PHACTR3: variants seen among roughly 807,000 people sequenced by gnomAD.
The protein encoded by PHACTR3 is protein phosphatase 1, regulatory subunit 123.
Under a neutral mutation model 66.8 loss-of-function variants are expected in PHACTR3, and 16 were observed. The observed-to-expected ratio is 0.24, with a 90% CI of 0.16 to 0.36. The LOEUF (loss-of-function observed/expected upper bound fraction) is 0.36. Ranked by LOEUF, PHACTR3 falls within the 10% of genes least tolerant of loss-of-function variation. The pLI, the probability that PHACTR3 is intolerant of heterozygous loss-of-function variation, is 1.00. For missense variants in PHACTR3, 647 were observed against 719.9 expected (o/e 0.90, Z 1.16); for synonymous variants, 323 against 292.1 (o/e 1.11, Z -1.08).
chr20:59,578,348 C>G (rs1433329580), intron 1 of PHACTR3, among the ~76,000 whole-genome samples: 1 of 152,150 alleles, frequency 6.6e-6, no homozygotes, highest in African/African-American at 2.4e-5. Flanking sequence ...AGGCAGAGCC[C>G]GGAGTGGGGT....
intron 8 of PHACTR3, among the ~76,000 whole-genome samples, chr20:59,807,170 C>G (rs2041595373): frequency 6.6e-6 from 1 of 152,198 alleles, no homozygotes; most frequent in African/African-American, 2.4e-5. Context: ...TAAACTTTAA[C>G]TTTCGGACTC....
At chr20:59,704,189 T>TCC (rs1176480623) in intron 1 of PHACTR3, among the ~76,000 whole-genome samples, 1 of 152,190 alleles carries the variant, frequency 6.6e-6, no homozygotes, top group Non-Finnish European at 1.5e-5. Flanking sequence ...CTTTTTATGT[T>TCC]CCCATTAAGA....
intron 1 of PHACTR3, among the ~76,000 whole-genome samples, chr20:59,645,468 C>T (rs533170669): frequency 7.2e-5 from 11 of 152,114 alleles, no homozygotes; most frequent in African/African-American, 1.4e-4. Flanking sequence ...GCGCCTTTCT[C>T]GTCACGTGTG....
intron 1 of PHACTR3, chr20:59,628,269 G>C (rs571522014): frequency 1.3e-5 from 2 of 152,220 alleles, no homozygotes; most frequent in Non-Finnish European, 2.9e-5. Context: ...TGGCAGGGTC[G>C]CCTGTGTGCT....
intron 7 of PHACTR3, among the ~76,000 whole-genome samples, chr20:59,774,963 T>C (rs897922240): frequency 1.3e-5 from 2 of 152,074 alleles, no homozygotes; most frequent in Admixed American, 1.3e-4. Flanking sequence ...ATTGCTCTAT[T>C]GATCTCAAAT....
chr20:59,785,393 A>G (rs971479083), intron 7 of PHACTR3, among the ~76,000 whole-genome samples: 7 of 152,268 alleles, frequency 4.6e-5, no homozygotes, highest in African/African-American at 7.2e-5. Context: ...CCACAAATAC[A>G]GTCACATTGT....
At chr20:59,642,904 T>TTTTG (rs981278567) in intron 1 of PHACTR3, among the ~76,000 whole-genome samples, 11 of 152,036 alleles carry the variant, frequency 7.2e-5, no homozygotes, top group South Asian at 2.1e-4. Flanking sequence ...TCTTCTTGTT[T>TTTTG]TTTGTTTGTT....
chr20:59,731,964 C>T (rs2038781368), intron 1 of PHACTR3, among the ~76,000 whole-genome samples: 1 of 152,114 alleles, frequency 6.6e-6, no homozygotes, highest in African/African-American at 2.4e-5. Context: ...GTTTATTGCT[C>T]AAACTATTTG....
At chr20:59,755,635 C>A (rs1012058904) in intron 4 of PHACTR3, among the ~76,000 whole-genome samples, 1 of 149,654 alleles carries the variant, frequency 6.7e-6, no homozygotes, top group African/African-American at 2.5e-5. Flanking sequence ...CCTACCCCCC[C>A]TCCCAGGGCG....
At chr20:59,750,987 A>G (rs930600759) in intron 3 of PHACTR3, among the ~76,000 whole-genome samples, 4 of 152,156 alleles carry the variant, frequency 2.6e-5, no homozygotes, top group African/African-American at 9.7e-5. Flanking sequence ...GTCTGTCCCT[A>G]ATCCTCCTGG....
At chr20:59,770,525 T>A (rs960311438) in intron 5 of PHACTR3, among the ~76,000 whole-genome samples, 9 of 152,220 alleles carry the variant, frequency 5.9e-5, no homozygotes, top group African/African-American at 1.7e-4. Context: ...GAGTGACTTA[T>A]AAACCACAGA....
intron 8 of PHACTR3, among the ~76,000 whole-genome samples, chr20:59,808,045 G>A (rs995391222): frequency 6.6e-6 from 1 of 152,188 alleles, no homozygotes; most frequent in South Asian, 2.1e-4. Context: ...GAGCTGCTGC[G>A]TCTTGCTGGT....
chr20:59,817,229 A>G (rs997850805), intron 8 of PHACTR3, among the ~76,000 whole-genome samples: 1 of 152,248 alleles, frequency 6.6e-6, no homozygotes, highest in Non-Finnish European at 1.5e-5. Flanking sequence ...GTGAGCCCTC[A>G]GGACCTCAGT....
chr20:59,612,360 CTTTT>C (rs11319260), intron 1 of PHACTR3, among the ~76,000 whole-genome samples: 1 of 140,802 alleles, frequency 7.1e-6, no homozygotes, highest in African/African-American at 2.6e-5. Flanking sequence ...CCATCTTCAT[CTTTT>C]TTTTTTTTTT....
intron 1 of PHACTR3, among the ~76,000 whole-genome samples, chr20:59,683,291 TC>T (rs1215754343): frequency 6.6e-6 from 1 of 152,206 alleles, no homozygotes; most frequent in Admixed American, 6.5e-5. Flanking sequence ...CTATTTGACA[TC>T]CGTGCAAAGA....
rs2040155757 is a variant in PHACTR3, at chr20:59,765,697, A to G, written c.542-1489A>G. 2.0e-5 allele frequency among the ~76,000 whole-genome samples: 3 copies of G among 152,226 alleles called. No individual in the cohort carries two copies. The South Asian group carries it at 6.2e-4, about 31-fold the overall frequency. On this transcript the variant is annotated intron_variant, in intron 4 of 12. Transcript: ENST00000371015. ...GTTTAGCTGGAGGCTCTCTGCAGGCAGGAATTAGGCCTGTTGTAACACCCC... is the reference window on the plus strand; with the variant it reads ...GTTTAGCTGGAGGCTCTCTGCAGGCGGGAATTAGGCCTGTTGTAACACCCC...
chr20:59,817,749 A>G (rs1238038250), intron 8 of PHACTR3, among the ~76,000 whole-genome samples: 1 of 152,160 alleles, frequency 6.6e-6, no homozygotes, highest in East Asian at 1.9e-4. Flanking sequence ...AGAGAAACCG[A>G]AGATTTGATT....
At chr20:59,788,462 C>T (rs1290998185) in intron 7 of PHACTR3, among the ~76,000 whole-genome samples, 1 of 152,070 alleles carries the variant, frequency 6.6e-6, no homozygotes, top group African/African-American at 2.4e-5. Flanking sequence ...CAACCCTGCT[C>T]TCTCCCTGGC....
chr20:59,638,491 T>A (rs2034973732), intron 1 of PHACTR3, among the ~76,000 whole-genome samples: 1 of 144,644 alleles, frequency 6.9e-6, no homozygotes, highest in Non-Finnish European at 1.5e-5. Context: ...GATGGATGGA[T>A]GGATAGATTG....
Sources: allele counts gnomAD v4.1 joint callset (sites outside exome capture counted in the v4.1 genomes callset), GRCh38; gene constraint gnomAD v4.1.1; transcripts MANE v1.5; gene names NCBI Gene and HGNC (gene_info 2026-07-23, HGNC 2026-07-21).